The following JAK2 variants were observed in gnomAD, a reference collection of about 807,000 sequenced individuals.
JAK2 encodes tyrosine-protein kinase JAK2.
In JAK2, 86 loss-of-function variants were observed where a neutral mutation model predicts 139.3. The ratio of observed to expected loss-of-function variants is 0.62; its 90% CI spans 0.52 to 0.74. The LOEUF (loss-of-function observed/expected upper bound fraction) is 0.74. Ranked by LOEUF, JAK2 falls within the 30% of genes least tolerant of loss-of-function variation. JAK2 has a pLI of 0.00. For synonymous variants in JAK2, 490 were observed against 437.7 expected (o/e 1.12, Z -1.49); for missense variants, 1,421 against 1,360.3 (o/e 1.04, Z -0.70).
intron 23 of JAK2, 57 bp downstream of exon 23, chr9:5,123,178 A>G: frequency 1.7e-6 from 2 of 1,195,228 alleles, no homozygotes. Context: ...ATTTTTATAA[A>G]TTTATGGGGT....
intron 6 of JAK2, 69 bp downstream of exon 6, chr9:5,050,900 C>T: frequency 7.4e-7 from 1 of 1,347,822 alleles, no homozygotes; most frequent in African/African-American, 1.5e-5. Flanking sequence ...TATATATTTT[C>T]TGTGTTTACC....
chr9:5,086,702 C>T (rs1820141802), intron 19 of JAK2, among the ~76,000 whole-genome samples: 3 of 152,298 alleles, frequency 2.0e-5, no homozygotes, highest in Admixed American at 1.3e-4. Context: ...ATTTCCTACC[C>T]TGAAATCTCC....
chr9:5,103,150 A>G (rs979438783), intron 22 of JAK2, among the ~76,000 whole-genome samples: 2 of 147,892 alleles, frequency 1.4e-5, no homozygotes, highest in African/African-American at 2.5e-5. Flanking sequence ...CAGGAGACCA[A>G]TCTCATGTGC....
chr9:5,069,766 T>G (rs905823797), intron 11 of JAK2, among the ~76,000 whole-genome samples, 159 bp from the exon 12 acceptor site: 1 of 152,134 alleles, frequency 6.6e-6, no homozygotes, highest in Non-Finnish European at 1.5e-5. Context: ...CAAAGTTCAA[T>G]GAGTTGACCC....
At chr9:5,043,526 G>T (rs561874981) in intron 4 of JAK2, among the ~76,000 whole-genome samples, 1 of 152,286 alleles carries the variant, frequency 6.6e-6, no homozygotes, top group Non-Finnish European at 1.5e-5. Context: ...TGCTACTTTG[G>T]AAAACAGTTT....
chr9:5,007,564 A>G (rs1821389204), intron 2 of JAK2, among the ~76,000 whole-genome samples: 1 of 152,104 alleles, frequency 6.6e-6, no homozygotes, highest in Admixed American at 6.5e-5. Flanking sequence ...TAAAATATTA[A>G]GTAATCATTG....
intron 8 of JAK2, among the ~76,000 whole-genome samples, chr9:5,059,961 T>C (rs915910419): frequency 6.6e-6 from 1 of 152,166 alleles, no homozygotes; most frequent in African/African-American, 2.4e-5. Context: ...TTGTAAAACG[T>C]ATATAGACAT....
rs1425240616 is a variant in JAK2, at chr9:5,069,985, C to T, written c.1574C>T (p.Thr525Ile). Residue 525 changes from threonine to isoleucine, a missense_variant, in exon 12 of 25, where the codon ACA becomes ATA. By Grantham distance (89) the Thr-to-Ile change is moderately conservative. Coordinates refer to ENST00000381652, the MANE Select transcript of JAK2 (RefSeq NM_004972.4). ...GTTTCTGATGTACCAACCTCACCAA[C>T]ATTACAGAGGCCTACTCATATGAAC... ...NGVSDVPTSP[T>I]LQRPTHMNQM... 6.2e-7 allele frequency: 1 copy of T among 1,608,044 alleles called. No homozygotes were observed. Among genetic ancestry groups the T allele is most frequent in the Admixed American group, 1.7e-5 (1 of 59,698 alleles).
intron 4 of JAK2, among the ~76,000 whole-genome samples, chr9:5,037,601 G>T (rs12002850): frequency 6.6e-6 from 1 of 151,832 alleles, no homozygotes; most frequent in East Asian, 1.9e-4. Context: ...GCAAACTATC[G>T]CAAGGACAAA....
chr9:5,085,337 T>G (rs1377149193), intron 19 of JAK2: 11 of 867,594 alleles, frequency 1.3e-5, no homozygotes, highest in Admixed American at 5.2e-5. Context: ...TGAAAAGCTA[T>G]TCCTACATTT....
At chr9:5,103,621 C>T (rs545586026) in intron 22 of JAK2, among the ~76,000 whole-genome samples, 1 of 152,262 alleles carries the variant, frequency 6.6e-6, no homozygotes, top group South Asian at 2.1e-4. Context: ...AATATACATT[C>T]TTCTCAGCAC....
chr9:5,001,059 T>A (rs1213697444), intron 2 of JAK2, among the ~76,000 whole-genome samples: 1 of 152,258 alleles, frequency 6.6e-6, no homozygotes, highest in Non-Finnish European at 1.5e-5. Context: ...TGATGTATCC[T>A]GTGATACTGG....
chr9:5,033,881 C>T (rs983309606), intron 4 of JAK2, among the ~76,000 whole-genome samples: 1 of 152,154 alleles, frequency 6.6e-6, no homozygotes, highest in Non-Finnish European at 1.5e-5. Context: ...ATCAAATTCA[C>T]CCATAACAAT....
rs746232711 is a variant in JAK2 at position 5,077,460 on chromosome 9, G to C, written c.1872G>C (p.Leu624=). The C allele has an allele frequency of 8.9e-7, 1 of 1,129,424 alleles. No individual in the cohort carries two copies. The highest frequency in any genetic ancestry group is 2.2e-5 in the South Asian group (1 of 46,358). 70.0% of individuals were successfully genotyped at this position (1,129,424 alleles called of 1,614,324 possible). Residue 624 remains leucine (L), a synonymous_variant, in exon 15 of 25, where the codon CTG becomes CTC. Coordinates refer to ENST00000381652, the MANE Select transcript of JAK2 (RefSeq NM_004972.4). ...ACTTATATTTTAATGCAGATATTCT[G>C]GTTCAGGAGTTTGTAAAATTTGGAT... is the stretch of plus-strand genomic sequence containing the variant. ...GVCVCGDENI[L]VQEFVKFGSL...
intron 2 of JAK2, among the ~76,000 whole-genome samples, chr9:4,999,871 C>G (rs555888221): frequency 2.0e-5 from 3 of 152,296 alleles, no homozygotes; most frequent in Non-Finnish European, 4.4e-5. Flanking sequence ...ATTAGATATG[C>G]ATGCTACTAC....
At chr9:5,012,345 A>G (rs1054733222) in intron 2 of JAK2, among the ~76,000 whole-genome samples, 3 of 152,150 alleles carry the variant, frequency 2.0e-5, no homozygotes, top group Non-Finnish European at 4.4e-5. Flanking sequence ...TTCTTTGACA[A>G]TGCCTTCAAA....
At chr9:5,078,650 G>A (rs925882131) in intron 16 of JAK2, among the ~76,000 whole-genome samples, 2 of 151,998 alleles carry the variant, frequency 1.3e-5, no homozygotes, top group African/African-American at 4.8e-5. Context: ...GGACTGTGAG[G>A]TGATTTTTTA....
chr9:5,103,564 T>G (rs987368724), intron 22 of JAK2, among the ~76,000 whole-genome samples: 1 of 152,094 alleles, frequency 6.6e-6, no homozygotes, highest in Non-Finnish European at 1.5e-5. Flanking sequence ...CTCTGCACCA[T>G]GTGAACCTAA....
At chr9:5,124,135 A>T (rs987678887) in intron 23 of JAK2, among the ~76,000 whole-genome samples, 3 of 151,732 alleles carry the variant, frequency 2.0e-5, no homozygotes, top group African/African-American at 7.3e-5. Context: ...AAAGTTTGCA[A>T]ATATTTTCTC....
Sources: allele counts gnomAD v4.1 joint callset (sites outside exome capture counted in the v4.1 genomes callset), GRCh38; gene constraint gnomAD v4.1.1; transcripts MANE v1.5; gene names NCBI Gene and HGNC (gene_info 2026-07-23, HGNC 2026-07-21).